The following DPYD variants were observed in gnomAD, a reference collection of about 807,000 sequenced individuals.
DPYD encodes dihydropyrimidine dehydrogenase.
In DPYD, 109 loss-of-function variants were observed where a neutral mutation model predicts 116.2. The observed-to-expected ratio is 0.94, with a 90% CI of 0.80 to 1.10. The LOEUF is 1.10. Ranked by LOEUF, DPYD falls within the 50% of genes least tolerant of loss-of-function variation. The pLI, the probability that DPYD is intolerant of heterozygous loss-of-function variation, is 0.00. For synonymous variants in DPYD, 440 were observed against 432.0 expected (o/e 1.02, Z -0.23); for missense variants, 1,302 against 1,254.5 (o/e 1.04, Z -0.57).
chr1:97,859,978 T>C (rs1480173494), intron 2 of DPYD, among the ~76,000 whole-genome samples: 2 of 151,966 alleles, frequency 1.3e-5, no homozygotes, highest in Non-Finnish European at 2.9e-5. Flanking sequence ...AACCATTTGA[T>C]ATTTTTCCAT....
At chr1:97,349,659 C>T (rs1670039009) in intron 16 of DPYD, among the ~76,000 whole-genome samples, 1 of 152,134 alleles carries the variant, frequency 6.6e-6, no homozygotes, top group Non-Finnish European at 1.5e-5. Context: ...ATCCATGTCC[C>T]TGCAAAGGAC....
intron 11 of DPYD, 65 bp downstream of exon 11, chr1:97,573,695 A>G (rs2102181305): frequency 6.3e-7 from 1 of 1,589,496 alleles, no homozygotes; most frequent in South Asian, 1.1e-5. Context: ...CCTGAAAGCT[A>G]GAAACTATTA....
At chr1:97,763,261 C>T (rs750909347) in intron 3 of DPYD, among the ~76,000 whole-genome samples, 3 of 152,014 alleles carry the variant, frequency 2.0e-5, no homozygotes, top group Non-Finnish European at 4.4e-5. Flanking sequence ...ATATTTCTAG[C>T]ACAGTGCCCA....
chr1:97,852,119 C>A (rs1670600468), intron 2 of DPYD, among the ~76,000 whole-genome samples: 1 of 151,426 alleles, frequency 6.6e-6, no homozygotes, highest in African/African-American at 2.4e-5. Flanking sequence ...GCCATTCAAG[C>A]ATTCAAGGAC....
intron 14 of DPYD, among the ~76,000 whole-genome samples, chr1:97,398,374 CTT>C (rs1389896302): frequency 6.6e-6 from 1 of 152,104 alleles, no homozygotes; most frequent in Admixed American, 6.6e-5. Context: ...GGTTCCAAGT[CTT>C]TGCTATTGTG....
intron 22 of DPYD, among the ~76,000 whole-genome samples, chr1:97,081,338 TA>T (rs1034614076): frequency 1.3e-5 from 2 of 152,056 alleles, no homozygotes; most frequent in Admixed American, 1.3e-4. Context: ...AAAAATATAA[TA>T]AAAACAATAT....
chr1:97,130,530 T>C (rs1653198025), intron 20 of DPYD, among the ~76,000 whole-genome samples: 1 of 152,126 alleles, frequency 6.6e-6, no homozygotes. Context: ...AGGGATATCA[T>C]CCCTACTACT....
intron 18 of DPYD, among the ~76,000 whole-genome samples, chr1:97,260,881 C>A (rs1342647915): frequency 6.6e-6 from 1 of 152,040 alleles, no homozygotes; most frequent in Non-Finnish European, 1.5e-5. Flanking sequence ...GTTCAGAGAG[C>A]AGGCAAGTTC....
intron 11 of DPYD, 112 bp from the exon 12 acceptor site, chr1:97,549,856 A>G: frequency 1.0e-6 from 1 of 984,050 alleles, no homozygotes; most frequent in Admixed American, 2.6e-5. Flanking sequence ...AGGGATTCAA[A>G]CAACTGTTTT....
chr1:97,419,073 T>G (rs1488498913), intron 14 of DPYD, among the ~76,000 whole-genome samples: 5 of 152,172 alleles, frequency 3.3e-5, no homozygotes, highest in African/African-American at 1.2e-4. Flanking sequence ...GACTTTTTCT[T>G]ATCTAAGTGC....
chr1:97,495,883 A>G (rs1475525551), intron 13 of DPYD, among the ~76,000 whole-genome samples: 3 of 152,158 alleles, frequency 2.0e-5, no homozygotes, highest in Non-Finnish European at 4.4e-5. Flanking sequence ...CATCTGAAAA[A>G]TTATTAACAT....
At chr1:97,235,066 T>A in intron 18 of DPYD, 72 bp from the exon 19 acceptor site, 1 of 1,573,418 alleles carries the variant, frequency 6.4e-7, no homozygotes, top group Non-Finnish European at 8.7e-7. Context: ...TTACTTCTAT[T>A]ACTATGATGT....
At chr1:97,576,012 G>C (rs1436944292) in intron 10 of DPYD, among the ~76,000 whole-genome samples, 15 of 151,952 alleles carry the variant, frequency 9.9e-5, no homozygotes, top group Admixed American at 9.8e-4. Flanking sequence ...TTAGTAAAAG[G>C]CAGCACAAAG....
intron 20 of DPYD, among the ~76,000 whole-genome samples, chr1:97,173,283 CATATATGTACACATATGTACAT>C (rs1656915424): frequency 8.3e-6 from 1 of 120,340 alleles, no homozygotes; most frequent in Non-Finnish European, 1.9e-5. Context: ...TATATGCACA[CATATATGTACACATATGTACAT>C]ATATATGCAC....
At chr1:97,810,124 A>C (rs1164410370) in intron 3 of DPYD, among the ~76,000 whole-genome samples, 1 of 151,738 alleles carries the variant, frequency 6.6e-6, no homozygotes, top group East Asian at 1.9e-4. Flanking sequence ...GTCTCTACTA[A>C]AAATACAAAA....
rs116718651 is a variant in DPYD at position 97,852,440 on chromosome 1, T to C, written c.151-24244A>G. Among the ~76,000 whole-genome samples, 601 of 152,268 alleles carry C rather than the reference T, an allele frequency of 3.9e-3. 5 individuals carry two copies. Among genetic ancestry groups the C allele is most frequent in the African/African-American group, 0.014 (575 of 41,558 alleles). ...AACCTCCTCAACATCACAGAGCTGG[T>C]AGTTTTCCAAAATTCAGTTTTCCCA... On this transcript the variant is annotated intron_variant, in intron 2 of 22. Coordinates refer to ENST00000370192, the MANE Select transcript of DPYD (RefSeq NM_000110.4).
At chr1:97,675,814 T>C (rs915783186) in intron 8 of DPYD, among the ~76,000 whole-genome samples, 7 of 149,864 alleles carry the variant, frequency 4.7e-5, no homozygotes, top group Non-Finnish European at 1.0e-4. Context: ...AGTGGTGAGA[T>C]CTCGGCTCAC....
At chr1:97,560,184 T>C (rs1028830344) in intron 11 of DPYD, among the ~76,000 whole-genome samples, 3 of 152,056 alleles carry the variant, frequency 2.0e-5, no homozygotes, top group Non-Finnish European at 4.4e-5. Flanking sequence ...CAGGTGACAA[T>C]AGAATCATCC....
intron 13 of DPYD, among the ~76,000 whole-genome samples, chr1:97,498,006 C>A (rs770095839): frequency 1.3e-5 from 2 of 151,682 alleles, no homozygotes; most frequent in Non-Finnish European, 3.0e-5. Context: ...TTGATAAATG[C>A]TACAACACAG....
Sources: gnomAD v4.1 joint callset for allele counts (sites outside exome capture counted in the v4.1 genomes callset) on GRCh38, gnomAD v4.1.1 for gene constraint, MANE v1.5 for transcripts, NCBI Gene and HGNC (gene_info 2026-07-23, HGNC 2026-07-21) for gene names.